Variants in RGL1 observed in about 807,000 individuals in gnomAD.
RGL1 encodes the protein ral guanine nucleotide dissociation stimulator-like 1.
RGL1 carries 24 observed loss-of-function variants against 95.2 expected under a neutral mutation model. The observed-to-expected ratio is 0.25, with a 90% CI of 0.18 to 0.35. The LOEUF is 0.35. Among genes scored for constraint, RGL1 ranks in the 10% least tolerant of loss-of-function variants. The pLI is 1.00. For synonymous variants in RGL1, 329 were observed against 344.9 expected, an observed-to-expected ratio of 0.95 and a Z score of 0.51; for missense variants, 715 against 936.3, an observed-to-expected ratio of 0.76 and a Z score of 3.08.
intron 2 of RGL1, among the ~76,000 whole-genome samples, chr1:183,844,984 C>T (rs1469875098): frequency 6.6e-6 from 1 of 152,242 alleles, no homozygotes; most frequent in Admixed American, 6.5e-5. Context: ...TGCCACCACT[C>T]TGGTCTTTCT....
chr1:183,859,051 T>C (rs1353256510), intron 3 of RGL1, among the ~76,000 whole-genome samples: 1 of 152,220 alleles, frequency 6.6e-6, no homozygotes, highest in African/African-American at 2.4e-5. Flanking sequence ...TCTAGACTCA[T>C]GAACAGAGTC....
At chr1:183,639,055 A>C (rs1298725812) in intron 1 of RGL1, among the ~76,000 whole-genome samples, 7 of 152,184 alleles carry the variant, frequency 4.6e-5, no homozygotes, top group Non-Finnish European at 7.4e-5. Context: ...CAAGACGGGC[A>C]GATCACTTGA....
chr1:183,717,000 A>T (rs187351828), intron 1 of RGL1, among the ~76,000 whole-genome samples: 1 of 152,336 alleles, frequency 6.6e-6, no homozygotes, highest in African/African-American at 2.4e-5. Flanking sequence ...TTCACTGGGC[A>T]TAGTAAGCAT....
At chr1:183,741,757 G>A (rs371009749) in intron 1 of RGL1, among the ~76,000 whole-genome samples, 2 of 152,120 alleles carry the variant, frequency 1.3e-5, no homozygotes, top group African/African-American at 4.8e-5. Context: ...CTTCCACATG[G>A]AGCACTTGGC....
chr1:183,740,131 C>T (rs558290335), intron 1 of RGL1, among the ~76,000 whole-genome samples: 1 of 152,232 alleles, frequency 6.6e-6, no homozygotes, highest in South Asian at 2.1e-4. Flanking sequence ...CTAATCTGGC[C>T]TGTTTCCATT....
chr1:183,858,658 A>T (rs573645920), intron 3 of RGL1, among the ~76,000 whole-genome samples: 1 of 152,284 alleles, frequency 6.6e-6, no homozygotes, highest in East Asian at 1.9e-4. Flanking sequence ...TTTGTTTTTC[A>T]TATCGCTATT....
At chr1:183,797,203 C>T (rs985023518) in intron 2 of RGL1, among the ~76,000 whole-genome samples, 2 of 152,280 alleles carry the variant, frequency 1.3e-5, no homozygotes, top group African/African-American at 4.8e-5. Flanking sequence ...GTGGTGGGCA[C>T]ATGTGATCCC....
At chr1:183,637,693 A>T (rs1314484457) in intron 1 of RGL1, among the ~76,000 whole-genome samples, 1 of 152,220 alleles carries the variant, frequency 6.6e-6, no homozygotes, top group Non-Finnish European at 1.5e-5. Context: ...ACTCTTCTAT[A>T]AGTATATCAT....
intron 3 of RGL1, among the ~76,000 whole-genome samples, chr1:183,855,215 T>A (rs1195584751): frequency 6.6e-6 from 1 of 152,196 alleles, no homozygotes; most frequent in Admixed American, 6.5e-5. Context: ...GACAAATAAG[T>A]CTATAGACTC....
chr1:183,748,530 G>A (rs1050763136), intron 2 of RGL1, among the ~76,000 whole-genome samples: 8 of 150,490 alleles, frequency 5.3e-5, no homozygotes, highest in Admixed American at 1.3e-4. Context: ...CTCAGCCTCT[G>A]GAGTAGCTGG....
chr1:183,791,891 G>A (rs1006434278), intron 2 of RGL1, among the ~76,000 whole-genome samples: 3 of 152,112 alleles, frequency 2.0e-5, no homozygotes, highest in African/African-American at 4.8e-5. Context: ...TGCATCTTGA[G>A]ACTCTTTTTA....
chr1:183,778,098 A>C (rs1659693675), intron 2 of RGL1, among the ~76,000 whole-genome samples: 1 of 152,196 alleles, frequency 6.6e-6, no homozygotes, highest in Non-Finnish European at 1.5e-5. Context: ...AGTTCAAAGC[A>C]GGATCTATTT....
intron 1 of RGL1, among the ~76,000 whole-genome samples, chr1:183,708,907 T>C (rs980456692): frequency 6.6e-6 from 1 of 152,154 alleles, no homozygotes; most frequent in African/African-American, 2.4e-5. Flanking sequence ...CGGCACCAGA[T>C]GTAAGGCTCT....
At chr1:183,722,590 G>A (rs1456667354) in intron 1 of RGL1, among the ~76,000 whole-genome samples, 1 of 151,984 alleles carries the variant, frequency 6.6e-6, no homozygotes, top group Non-Finnish European at 1.5e-5. Flanking sequence ...AGAGAAAAAA[G>A]GGCACATTCC....
In RGL1 at chr1:183,776,297, C is replaced by T. The variant is rs564770201; in HGVS notation, c.133-30078C>T. Reference sequence around the variant, plus strand: ...CCGAGTAGCTGGGACTACAGGCGCCCGCTACCACGCCCGGCTAATTTTTTG... The same window carrying T: ...CCGAGTAGCTGGGACTACAGGCGCCTGCTACCACGCCCGGCTAATTTTTTG... On this transcript the variant is annotated intron_variant, in intron 2 of 18. Coordinates refer to the RGL1 transcript ENST00000304685. Among the ~76,000 whole-genome samples the T allele has an allele frequency of 4.0e-5, 6 of 151,440 alleles. No individual in the cohort carries two copies. The South Asian group carries it at 1.1e-3, about 27-fold the overall frequency.
At chr1:183,824,259 T>C (rs190242157) in intron 2 of RGL1, among the ~76,000 whole-genome samples, 1 of 152,322 alleles carries the variant, frequency 6.6e-6, no homozygotes, top group Admixed American at 6.5e-5. Flanking sequence ...TAGACACCAC[T>C]GTGATTCTAA....
chr1:183,777,285 G>A (rs146560614), intron 2 of RGL1, among the ~76,000 whole-genome samples: 1 of 152,264 alleles, frequency 6.6e-6, no homozygotes, highest in African/African-American at 2.4e-5. Context: ...GATGGATTAT[G>A]TTTGTGTCCC....
At chr1:183,689,675 A>AC (rs1445053067) in intron 1 of RGL1, among the ~76,000 whole-genome samples, 1 of 152,210 alleles carries the variant, frequency 6.6e-6, no homozygotes, top group African/African-American at 2.4e-5. Context: ...GAGTGAATAA[A>AC]TAAAAAAGTG....
rs544482193 is a variant in RGL1 at position 183,853,182 on chromosome 1, A to G, written c.347+5408A>G. On this transcript the variant is annotated intron_variant, in intron 3 of 17. Coordinates refer to ENST00000360851, the MANE Select transcript of RGL1 (RefSeq NM_001297671.3). ...AAAACCCCATCTCTACTAAAAATAC[A>G]AAAGTTAGCTGGGCGTGGTGGTGCA... 3.3e-5 allele frequency among the ~76,000 whole-genome samples: 5 copies of G among 152,226 alleles called. No individual in the cohort carries two copies. In the South Asian group the frequency reaches 1.0e-3, roughly 32 times the overall value.
Sources: gnomAD v4.1 joint callset for allele counts (sites outside exome capture counted in the v4.1 genomes callset) on GRCh38, gnomAD v4.1.1 for gene constraint, MANE v1.5 for transcripts, NCBI Gene and HGNC (gene_info 2026-07-23, HGNC 2026-07-21) for gene names.